The following KCNT2 variants were observed in gnomAD, a reference collection of about 807,000 sequenced individuals.
The protein encoded by KCNT2 is potassium sodium-activated channel subfamily T member 2.
Under a neutral mutation model 153.8 loss-of-function variants are expected in KCNT2, and 67 were observed. The ratio of observed to expected loss-of-function variants is 0.44; its 90% CI spans 0.36 to 0.53. KCNT2 has a LOEUF of 0.53. Among genes scored for constraint, KCNT2 ranks in the 20% least tolerant of loss-of-function variants. The pLI is 0.00. For missense variants in KCNT2, 975 were observed against 1,354.8 expected, an observed-to-expected ratio of 0.72 and a Z score of 4.40; for synonymous variants, 500 against 458.8, an observed-to-expected ratio of 1.09 and a Z score of -1.15.
chr1:196,229,226 A>C (rs1653739305), intron 27 of KCNT2, among the ~76,000 whole-genome samples: 1 of 152,090 alleles, frequency 6.6e-6, no homozygotes, highest in Admixed American at 6.6e-5. Flanking sequence ...TTTTTCCAGC[A>C]TGTGCTCACT....
intron 8 of KCNT2, among the ~76,000 whole-genome samples, 195 bp downstream of exon 8, chr1:196,465,098 T>C (rs969388323): frequency 7.2e-5 from 11 of 152,130 alleles, no homozygotes; most frequent in African/African-American, 2.4e-4. Flanking sequence ...GCAAATGATG[T>C]ATGTGCTTTA....
intron 1 of KCNT2, among the ~76,000 whole-genome samples, chr1:196,562,155 C>T (rs956498082): frequency 1.3e-5 from 2 of 151,894 alleles, no homozygotes; most frequent in African/African-American, 2.4e-5. Context: ...GTAGATTTTT[C>T]CCACAAGAGA....
At chr1:196,350,083 C>T (rs1398725018) in intron 14 of KCNT2, among the ~76,000 whole-genome samples, 4 of 152,134 alleles carry the variant, frequency 2.6e-5, no homozygotes, top group Non-Finnish European at 1.5e-5. Context: ...ATATGTGCCA[C>T]ATTTTCTTAA....
intron 25 of KCNT2, among the ~76,000 whole-genome samples, chr1:196,273,793 G>T (rs1001876486): frequency 1.3e-5 from 2 of 151,458 alleles, no homozygotes; most frequent in African/African-American, 2.4e-5. Context: ...CACATTTTTG[G>T]AATTTACAAG....
rs548601042 is a variant in KCNT2 at position 196,344,118 on chromosome 1, T to C, written c.1404-1890A>G. On this transcript the variant is annotated intron_variant, in intron 14 of 27. Transcript: ENST00000294725. ...TTTTGTGAGTTATTTAACTTTTCAG[T>C]GATTCTTTATCTCTTCAGTGACAAA... is the stretch of plus-strand genomic sequence containing the variant. 2.2e-4 allele frequency among the ~76,000 whole-genome samples: 34 copies of C among 152,294 alleles called. No homozygotes were observed. In the South Asian group the frequency reaches 6.8e-3, roughly 31 times the overall value.
intron 17 of KCNT2, among the ~76,000 whole-genome samples, chr1:196,333,314 A>G (rs1664676031): frequency 6.6e-6 from 1 of 152,062 alleles, no homozygotes. Flanking sequence ...TTGGCGTTCT[A>G]TTATTATGGA....
intron 22 of KCNT2, among the ~76,000 whole-genome samples, chr1:196,290,646 T>C (rs747388883): frequency 6.6e-6 from 1 of 151,950 alleles, no homozygotes; most frequent in Non-Finnish European, 1.5e-5. Flanking sequence ...CTTATTTTTT[T>C]ACTTATGTAC....
rs188298354 is a variant in KCNT2 at position 196,452,386 on chromosome 1, A to G, written c.638+12907T>C. On this transcript the variant is annotated intron_variant, in intron 8 of 27. Transcript: ENST00000294725. ...AGTCACCATCAAAGTCTAAAATTACAGATTATAACCCAGATCATTATCCCT... is the reference window on the plus strand; with the variant it reads ...AGTCACCATCAAAGTCTAAAATTACGGATTATAACCCAGATCATTATCCCT... 3.2e-3 allele frequency among the ~76,000 whole-genome samples: 480 copies of G among 152,082 alleles called. 1 individual carries two copies. The highest frequency in any genetic ancestry group is 5.7e-3 in the Non-Finnish European group (390 of 67,928).
chr1:196,424,935 G>A (rs371389260), intron 11 of KCNT2, among the ~76,000 whole-genome samples: 31 of 150,030 alleles, frequency 2.1e-4, no homozygotes, highest in East Asian at 1.8e-3. Flanking sequence ...ATACACACCC[G>A]CTCATGCACA....
At chr1:196,307,436 C>T (rs969624528) in intron 21 of KCNT2, among the ~76,000 whole-genome samples, 4 of 152,018 alleles carry the variant, frequency 2.6e-5, no homozygotes, top group Admixed American at 6.6e-5. Flanking sequence ...TTTGGCTGCC[C>T]AGTATCTGAT....
chr1:196,246,086 T>C lies in KCNT2; in HGVS notation c.3212-10016A>G, dbSNP rs182237460. Among the ~76,000 whole-genome samples the C allele has an allele frequency of 2.7e-3, 418 of 152,236 alleles. 4 individuals are homozygous for C. The highest frequency in any genetic ancestry group is 7.9e-3 in the East Asian group (41 of 5,182). Reference sequence around the variant, plus strand: ...AAAGATCGAGAATAAAGAAAGGATCTGAAAAGTAGCAAGAGAAAAGAAACA... The same window carrying C: ...AAAGATCGAGAATAAAGAAAGGATCCGAAAAGTAGCAAGAGAAAAGAAACA... On this transcript the variant is annotated intron_variant, in intron 26 of 27. Coordinates refer to ENST00000294725, the MANE Select transcript of KCNT2 (RefSeq NM_198503.5).
intron 25 of KCNT2, among the ~76,000 whole-genome samples, chr1:196,267,672 C>G (rs1483154979): frequency 1.3e-5 from 2 of 152,112 alleles, no homozygotes; most frequent in African/African-American, 4.8e-5. Context: ...ATGCTATATA[C>G]CATTAGAACA....
At chr1:196,282,698 C>A (rs1659231347) in intron 23 of KCNT2, among the ~76,000 whole-genome samples, 1 of 152,034 alleles carries the variant, frequency 6.6e-6, no homozygotes, top group South Asian at 2.1e-4. Context: ...AAACTTGAAA[C>A]AATTAAAACA....
At chr1:196,562,078 GC>G (rs1358288291) in intron 1 of KCNT2, among the ~76,000 whole-genome samples, 2 of 151,858 alleles carry the variant, frequency 1.3e-5, no homozygotes, top group East Asian at 3.9e-4. Flanking sequence ...AAGGTGCCAG[GC>G]CCTTAGTTAA....
At chr1:196,247,093 G>A (rs984491608) in intron 26 of KCNT2, among the ~76,000 whole-genome samples, 1 of 152,002 alleles carries the variant, frequency 6.6e-6, no homozygotes. Flanking sequence ...TATGGAAAAA[G>A]ACATTCCATG....
chr1:196,364,079 T>C (rs982473818), intron 14 of KCNT2, among the ~76,000 whole-genome samples: 1 of 151,720 alleles, frequency 6.6e-6, no homozygotes, highest in African/African-American at 2.4e-5. Flanking sequence ...GAACAGAAAA[T>C]AGACATTAAT....
chr1:196,467,302 C>T (rs537414571), intron 7 of KCNT2, among the ~76,000 whole-genome samples: 1 of 152,036 alleles, frequency 6.6e-6, no homozygotes, highest in South Asian at 2.1e-4. Context: ...TCATAGGACC[C>T]TACAAAGGTA....
chr1:196,336,139 G>C (rs963518903), intron 16 of KCNT2, among the ~76,000 whole-genome samples: 2 of 152,012 alleles, frequency 1.3e-5, no homozygotes, highest in African/African-American at 4.8e-5. Flanking sequence ...CACATTGTCT[G>C]TCCTGATTTT....
chr1:196,540,635 A>G (rs1270511017), intron 1 of KCNT2, among the ~76,000 whole-genome samples: 2 of 152,206 alleles, frequency 1.3e-5, no homozygotes, highest in Non-Finnish European at 1.5e-5. Context: ...TGGCTGAATC[A>G]TAGTTGTTCA....
Sources: allele counts gnomAD v4.1 joint callset (sites outside exome capture counted in the v4.1 genomes callset), GRCh38; gene constraint gnomAD v4.1.1; transcripts MANE v1.5; gene names NCBI Gene and HGNC (gene_info 2026-07-23, HGNC 2026-07-21).